The following PRKD2 variants were observed in gnomAD, a reference collection of about 807,000 sequenced individuals.
PRKD2 encodes protein kinase D2.
Under a neutral mutation model 86.0 loss-of-function variants are expected in PRKD2, and 22 were observed. The ratio of observed to expected loss-of-function variants is 0.26; its 90% CI spans 0.18 to 0.37. PRKD2 has a LOEUF of 0.37. Among genes scored for constraint, PRKD2 ranks in the 10% least tolerant of loss-of-function variants. PRKD2 has a pLI of 1.00. For missense variants in PRKD2, 818 were observed against 1,199.2 expected, an observed-to-expected ratio of 0.68 and a Z score of 4.70; for synonymous variants, 509 against 510.9, an observed-to-expected ratio of 1.00 and a Z score of 0.05.
chr19:46,703,330 T>C (rs1568731837), intron 5 of PRKD2, among the ~76,000 whole-genome samples: 1 of 152,150 alleles, frequency 6.6e-6, no homozygotes, highest in Non-Finnish European at 1.5e-5. Flanking sequence ...TCCAAGGTTC[T>C]AAAGACTGAG....
At chr19:46,708,464 T>C (rs1361249665) in intron 3 of PRKD2, among the ~76,000 whole-genome samples, 2 of 151,792 alleles carry the variant, frequency 1.3e-5, no homozygotes, top group Non-Finnish European at 2.9e-5. Context: ...ACTAGAGGTA[T>C]GCACCACCAT....
chr19:46,707,744 A>G (rs890761583), intron 3 of PRKD2, among the ~76,000 whole-genome samples: 4 of 152,204 alleles, frequency 2.6e-5, no homozygotes, highest in African/African-American at 9.6e-5. Flanking sequence ...TAACAGGGAC[A>G]GAGGACCTAT....
Position 46,704,687 on chromosome 19 carries a change from G to A in PRKD2, c.512-38C>T, listed in dbSNP as rs763063898. On this transcript the variant is annotated intron_variant, in intron 3 of 17. Transcript: ENST00000291281. ...CCAGAGAGTAAGAGACATGGCGTCT[G>A]CCCCTCCTAGGTCTCTTCTTGAGAA... The A allele has an allele frequency of 3.5e-5, 54 of 1,559,646 alleles. No homozygotes were observed. The Admixed American group carries it at 8.9e-4, about 26-fold the overall frequency.
intron 14 of PRKD2, chr19:46,685,337 G>C (rs1356952902): frequency 6.6e-6 from 1 of 151,924 alleles, no homozygotes. Flanking sequence ...TGGCTGGAAA[G>C]CTACTTGGCT....
chr19:46,695,573 C>T (rs1459866854), intron 9 of PRKD2, among the ~76,000 whole-genome samples: 1 of 152,192 alleles, frequency 6.6e-6, no homozygotes, highest in Non-Finnish European at 1.5e-5. Context: ...TCCAAGGGCC[C>T]TAGGAAGCCA....
At chr19:46,711,278 G>A (rs1599843340) in intron 2 of PRKD2, among the ~76,000 whole-genome samples, 2 of 152,190 alleles carry the variant, frequency 1.3e-5, no homozygotes, top group African/African-American at 4.8e-5. Flanking sequence ...GTTGTTTAAC[G>A]GGCAAGGAGC....
chr19:46,692,044 A>C, intron 10 of PRKD2, 59 bp from the exon 11 acceptor site: 1 of 1,547,236 alleles, frequency 6.5e-7, no homozygotes, highest in East Asian at 2.2e-5. Flanking sequence ...ATCTCCACCC[A>C]TACCTGCAAA....
At chr19:46,680,228 T>G (rs940276563) in intron 15 of PRKD2, among the ~76,000 whole-genome samples, 2 of 152,186 alleles carry the variant, frequency 1.3e-5, no homozygotes, top group Admixed American at 6.6e-5. Context: ...TCTACAGATC[T>G]TATAGCTCTT....
At chr19:46,706,823 T>C (rs2053720230) in intron 3 of PRKD2, among the ~76,000 whole-genome samples, 1 of 152,136 alleles carries the variant, frequency 6.6e-6, no homozygotes, top group Non-Finnish European at 1.5e-5. Flanking sequence ...CCTAGAGTCC[T>C]TAAATAATAC....
At chr19:46,681,144 G>A (rs1302002072) in intron 15 of PRKD2, among the ~76,000 whole-genome samples, 1 of 150,304 alleles carries the variant, frequency 6.7e-6, no homozygotes, top group African/African-American at 2.4e-5. Context: ...TTTTAGTAGA[G>A]AAGGGGTTTC....
Position 46,678,158 on chromosome 19 carries a change from G to A in PRKD2, c.2338+238C>T, listed in dbSNP as rs1179289420. ...CCCTAAGGTTCCAAGTGTCCTCAGC[G>A]CTTCTGGGGCACTTGGTTTCCAGCC... On this transcript the variant is annotated intron_variant, in intron 16 of 17. Transcript: ENST00000291281. This position sits in a 1 kb window ranked among gnomAD's most constrained non-coding sequence, Gnocchi z 5.7. Among the ~76,000 whole-genome samples the A allele has an allele frequency of 6.6e-6, 1 of 152,118 alleles. No homozygotes were observed. Among genetic ancestry groups the A allele is most frequent in the Non-Finnish European group, 1.5e-5 (1 of 68,000 alleles).
intron 7 of PRKD2, among the ~76,000 whole-genome samples, chr19:46,698,543 T>C (rs2053592957): frequency 6.6e-6 from 1 of 152,194 alleles, no homozygotes; most frequent in South Asian, 2.1e-4. Flanking sequence ...TGCTAATTGG[T>C]ATTTAGTCCA....
chr19:46,688,101 G>C (rs2053426806), intron 14 of PRKD2, among the ~76,000 whole-genome samples: 1 of 152,020 alleles, frequency 6.6e-6, no homozygotes, highest in Admixed American at 6.6e-5. Context: ...TGTCGCCTAG[G>C]CTGGTCTCCA....
At chr19:46,713,809 A>T in intron 2 of PRKD2, 54 bp downstream of exon 2, 2 of 294,740 alleles carry the variant, frequency 6.8e-6, no homozygotes, top group Non-Finnish European at 5.2e-6. Flanking sequence ...CTCCTCCCCC[A>T]GATGCCCCGC....
chr19:46,686,613 C>A (rs1164036179), intron 14 of PRKD2, among the ~76,000 whole-genome samples: 1 of 151,778 alleles, frequency 6.6e-6, no homozygotes, highest in Non-Finnish European at 1.5e-5. Flanking sequence ...GATTACACCA[C>A]TGCACTCCAG....
intron 5 of PRKD2, among the ~76,000 whole-genome samples, 196 bp from the exon 6 acceptor site, chr19:46,701,308 G>A (rs1314039880): frequency 6.6e-6 from 1 of 151,756 alleles, no homozygotes; most frequent in East Asian, 2.0e-4. Context: ...TCTTGATTAA[G>A]TAGGAGGGCT....
At chr19:46,706,840 A>ACTT (rs1003470794) in intron 3 of PRKD2, among the ~76,000 whole-genome samples, 2 of 151,918 alleles carry the variant, frequency 1.3e-5, no homozygotes, top group African/African-American at 4.8e-5. Flanking sequence ...ATACAAGTAT[A>ACTT]CTTTGGACTG....
At chr19:46,700,553 G>A (rs2053621056) in intron 7 of PRKD2, among the ~76,000 whole-genome samples, 1 of 152,034 alleles carries the variant, frequency 6.6e-6, no homozygotes, top group Non-Finnish European at 1.5e-5. Flanking sequence ...GATCGCTTGA[G>A]CCCAGGTGGT....
chr19:46,698,489 C>T (rs1270041922), intron 7 of PRKD2, among the ~76,000 whole-genome samples: 4 of 152,202 alleles, frequency 2.6e-5, no homozygotes, highest in Non-Finnish European at 5.9e-5. Flanking sequence ...AACCTTTCTA[C>T]GGAGCTTAGT....
Sources: allele counts gnomAD v4.1 joint callset (sites outside exome capture counted in the v4.1 genomes callset), GRCh38; gene constraint gnomAD v4.1.1; non-coding constraint Gnocchi (gnomAD v3.1); transcripts MANE v1.5; gene names NCBI Gene and HGNC (gene_info 2026-07-23, HGNC 2026-07-21).